Variants in NXPE2 observed in about 807,000 individuals in gnomAD.
NXPE2 encodes neurexophilin and PC-esterase domain family member 2.
A neutral mutation model predicts 34.4 loss-of-function variants in NXPE2; 34 were observed. The observed-to-expected ratio is 0.99, with a 90% confidence interval of 0.75 to 1.31. The LOEUF (loss-of-function observed/expected upper bound fraction) is 1.31, where lower values mean the gene tolerates loss of function less well. Ranked by LOEUF, NXPE2 falls within the 40% of genes most tolerant of loss-of-function variation. The pLI, the probability that NXPE2 is intolerant of heterozygous loss-of-function variation, is 0.00. For synonymous variants in NXPE2, 235 were observed against 231.3 expected (o/e 1.02, Z -0.15); for missense variants, 649 against 672.5 (o/e 0.97, Z 0.39).
chr11:114,474,140 TA>T, the NXPE2 span, among the ~76,000 whole-genome samples: 1 of 152,268 alleles, frequency 6.6e-6, no homozygotes, highest in Admixed American at 6.5e-5. Context: ...GTAGCCGCCA[TA>T]AGGAGAGATA....
At chr11:114,645,849 G>A in the NXPE2 span, among the ~76,000 whole-genome samples, 2 of 152,154 alleles carry the variant, frequency 1.3e-5, no homozygotes, top group African/African-American at 4.8e-5. Context: ...CCAAATTTGA[G>A]AGTATAAAAA....
At chr11:114,553,770 T>C in the NXPE2 span, 1 of 985,242 alleles carries the variant, frequency 1.0e-6, no homozygotes, top group Non-Finnish European at 1.2e-6. Flanking sequence ...CTGGTAGAGG[T>C]GAGCTGAACC....
the NXPE2 span, among the ~76,000 whole-genome samples, chr11:114,656,350 C>A: frequency 1.3e-5 from 2 of 152,120 alleles, no homozygotes; most frequent in Non-Finnish European, 2.9e-5. Context: ...AATGACCATA[C>A]TGCCCAAAGT....
the NXPE2 span, among the ~76,000 whole-genome samples, chr11:114,601,841 TA>T: frequency 1.6e-5 from 1 of 61,588 alleles, no homozygotes; most frequent in Non-Finnish European, 2.6e-5. Context: ...ATTATATATA[TA>T]ATATAAAATA....
At chr11:114,696,024 G>GA (rs1050398292) in intron 2 of NXPE2, among the ~76,000 whole-genome samples, 2 of 150,342 alleles carry the variant, frequency 1.3e-5, no homozygotes, top group East Asian at 2.0e-4. Flanking sequence ...TCTCGATTAA[G>GA]AAAAAAAAGA....
chr11:114,714,749 C>T, the NXPE2 span, among the ~76,000 whole-genome samples: 33 of 152,242 alleles, frequency 2.2e-4, no homozygotes, highest in South Asian at 5.2e-3. Flanking sequence ...GAAGGCTGGA[C>T]GCAGTGGCTC....
At chr11:114,476,938 T>A in the NXPE2 span, among the ~76,000 whole-genome samples, 2 of 152,218 alleles carry the variant, frequency 1.3e-5, no homozygotes, top group African/African-American at 4.8e-5. Flanking sequence ...TATTAAGTTA[T>A]ATTATTAAAT....
At chr11:114,500,181 C>T in the NXPE2 span, among the ~76,000 whole-genome samples, 1 of 151,976 alleles carries the variant, frequency 6.6e-6, no homozygotes, top group African/African-American at 2.4e-5. Context: ...TTATCAGAAA[C>T]TGACAAACTG....
the NXPE2 span, among the ~76,000 whole-genome samples, chr11:114,761,935 T>C: frequency 6.6e-6 from 1 of 152,344 alleles, no homozygotes; most frequent in Non-Finnish European, 1.5e-5. Context: ...ATTAAGTTTT[T>C]ACATGTGCTG....
At chr11:114,557,059 A>AT in the NXPE2 span, among the ~76,000 whole-genome samples, 135 of 151,758 alleles carry the variant, frequency 8.9e-4, no homozygotes, top group African/African-American at 3.1e-3. Flanking sequence ...CACCTGGCCA[A>AT]TTTTTTGTAG....
the NXPE2 span, chr11:114,571,204 C>T: frequency 8.1e-6 from 13 of 1,613,860 alleles, no homozygotes; most frequent in Non-Finnish European, 1.0e-5. Flanking sequence ...TGCTGAATGG[C>T]TTTGTGGACA....
At chr11:114,673,770 A>G (rs1232415183), upstream of NXPE2, among the ~76,000 whole-genome samples, 3 of 151,832 alleles carry the variant, frequency 2.0e-5, no homozygotes, top group Admixed American at 1.3e-4. Flanking sequence ...TCATAACTCT[A>G]TGTGAGAGCC....
the NXPE2 span, among the ~76,000 whole-genome samples, chr11:114,555,687 C>T: frequency 4.8e-3 from 738 of 152,288 alleles, no homozygotes; most frequent in Middle Eastern, 0.014. Context: ...CCATGCCTAA[C>T]GTGTTTCTGG....
At chr11:114,582,766 G>C in the NXPE2 span, 9 of 1,614,170 alleles carry the variant, frequency 5.6e-6, no homozygotes, top group Non-Finnish European at 7.6e-6. Flanking sequence ...AGCAGGATGT[G>C]CAGCTGGTCT....
At chr11:114,776,316 G>A in the NXPE2 span, among the ~76,000 whole-genome samples, 9 of 152,232 alleles carry the variant, frequency 5.9e-5, no homozygotes, top group Admixed American at 3.9e-4. Flanking sequence ...CATCTTGTCC[G>A]TTTTGTCCAC....
At chr11:114,620,046 G>A in the NXPE2 span, among the ~76,000 whole-genome samples, 4 of 150,842 alleles carry the variant, frequency 2.7e-5, no homozygotes, top group Non-Finnish European at 3.0e-5. Context: ...CTACTGCCTC[G>A]TGGGTAACCA....
the NXPE2 span, among the ~76,000 whole-genome samples, chr11:114,759,060 G>A: frequency 1.3e-5 from 2 of 151,720 alleles, no homozygotes; most frequent in Non-Finnish European, 2.9e-5. Context: ...ACACACACAC[G>A]TGCGCAAACA....
the NXPE2 span, among the ~76,000 whole-genome samples, chr11:114,550,178 A>G: frequency 3.7e-3 from 567 of 152,234 alleles, 16 homozygotes; most frequent in Non-Finnish European, 1.1e-3. Flanking sequence ...CACAATAACA[A>G]TGTCCTAAAT....
downstream of NXPE2, among the ~76,000 whole-genome samples, chr11:114,709,843 A>G (rs889797004): frequency 6.6e-6 from 1 of 152,024 alleles, no homozygotes; most frequent in African/African-American, 2.4e-5. Flanking sequence ...CGGAGGTTGC[A>G]GTGAGCCAAG....
Sources: allele counts gnomAD v4.1 joint callset (sites outside exome capture counted in the v4.1 genomes callset), GRCh38; gene constraint gnomAD v4.1.1; transcripts MANE v1.5; gene names NCBI Gene and HGNC (gene_info 2026-07-23, HGNC 2026-07-21).